SEC13: variants seen among roughly 807,000 people sequenced by gnomAD.
The protein encoded by SEC13 is protein SEC13 homolog.
In SEC13, 25 loss-of-function variants were observed where a neutral mutation model predicts 49.2. That is an observed-to-expected ratio of 0.51 (90% CI 0.37 to 0.71). The LOEUF is 0.71. Among genes scored for constraint, SEC13 ranks in the 30% least tolerant of loss-of-function variants. The pLI is 0.00. For missense variants in SEC13, 383 were observed against 417.6 expected (o/e 0.92, Z 0.72); for synonymous variants, 148 against 163.9 (o/e 0.90, Z 0.74).
Position 10,301,295 on chromosome 3 carries a change from GCTGATA to G in SEC13, c.929_934del (p.Val310_Ser311del). ...GTTCTGCTGGCCCTCTGTCACTGATGCTGATACGGAGCCCTGGCCCTTGTTGACATC... is the reference window on the plus strand; with the variant it reads ...GTTCTGCTGGCCCTCTGTCACTGATGCGGAGCCCTGGCCCTTGTTGACATC... On this transcript the variant is annotated inframe_deletion, in exon 9 of 9. Transcript: ENST00000350697. 3.7e-6 allele frequency: 6 copies of G among 1,614,148 alleles called. No homozygotes were observed. Among genetic ancestry groups the G allele is most frequent in the Non-Finnish European group, 3.4e-6 (4 of 1,180,028 alleles).
intron 1 of SEC13, 70 bp downstream of exon 1, chr3:10,320,980 G>A: frequency 1.3e-6 from 2 of 1,599,358 alleles, no homozygotes; most frequent in Non-Finnish European, 1.7e-6. Flanking sequence ...GACTCAGGAC[G>A]GCCGAGGAAC....
chr3:10,304,528 G>A (rs1350569989), intron 7 of SEC13, among the ~76,000 whole-genome samples: 1 of 152,090 alleles, frequency 6.6e-6, no homozygotes, highest in Non-Finnish European at 1.5e-5. Flanking sequence ...AGAATGAGAA[G>A]GCACAAGTAA....
intron 3 of SEC13, chr3:10,313,045 C>T (rs903770883): frequency 1.9e-5 from 6 of 312,318 alleles, no homozygotes; most frequent in South Asian, 5.0e-5. Context: ...GTGCTGTCTA[C>T]AGCATAGTCA....
At chr3:10,307,531 A>G (rs1700964194) in intron 5 of SEC13, among the ~76,000 whole-genome samples, 1 of 152,052 alleles carries the variant, frequency 6.6e-6, no homozygotes, top group South Asian at 2.1e-4. Context: ...GCAGAAGGCA[A>G]GGGAGGAGCA....
At chr3:10,313,477 T>C (rs1325667815) in intron 3 of SEC13, 1 of 528,082 alleles carries the variant, frequency 1.9e-6, no homozygotes, top group Non-Finnish European at 3.9e-6. Context: ...TTCATAAAGT[T>C]TGGAACAATG....
chr3:10,319,938 G>A (rs1367406451), intron 1 of SEC13, among the ~76,000 whole-genome samples: 1 of 113,516 alleles, frequency 8.8e-6, no homozygotes, highest in Non-Finnish European at 1.8e-5. Flanking sequence ...GAGAGGGAGG[G>A]GGAGAGAGAG....
chr3:10,320,319 T>C (rs9832780), intron 1 of SEC13, among the ~76,000 whole-genome samples: 9,266 of 152,256 alleles, frequency 0.061, 559 homozygotes, highest in African/African-American at 0.15. Context: ...AAAGAATGCA[T>C]GTACTAGATA....
chr3:10,320,287 C>T (rs529825704), intron 1 of SEC13, among the ~76,000 whole-genome samples: 1 of 152,300 alleles, frequency 6.6e-6, no homozygotes, highest in South Asian at 2.1e-4. Context: ...AAACCTGCTG[C>T]TGAGACACAC....
At chr3:10,311,621 T>TA in intron 5 of SEC13, 2 of 1,098,862 alleles carry the variant, frequency 1.8e-6, no homozygotes, top group Non-Finnish European at 2.2e-6. Flanking sequence ...ACATACTTTT[T>TA]AAAAGTTTTA....
At chr3:10,303,990 G>C in intron 8 of SEC13, 36 bp downstream of exon 8, 1 of 1,611,216 alleles carries the variant, frequency 6.2e-7, no homozygotes, top group Non-Finnish European at 8.5e-7. Context: ...AGACCAACAG[G>C]CTGTGTCCAC....
rs998397400 is a variant in SEC13, at chr3:10,318,231, T to C, written c.4-137A>G. ...AAGCATTCATTCTAAGTACCTTCTTTCTGCCAAGCACTGTGCTAGGAACTG... is the reference window on the plus strand; with the variant it reads ...AAGCATTCATTCTAAGTACCTTCTTCCTGCCAAGCACTGTGCTAGGAACTG... On this transcript the variant is annotated intron_variant, in intron 1 of 8. Coordinates refer to ENST00000350697, the MANE Select transcript of SEC13 (RefSeq NM_183352.3). 7.3e-6 allele frequency: 5 copies of C among 680,730 alleles called. No homozygotes were observed. In the Admixed American group the frequency reaches 1.1e-4, roughly 15 times the overall value. 42.2% of individuals were successfully genotyped at this position (680,730 alleles called of 1,614,324 possible). A position where few individuals can be genotyped will look rare whatever the true frequency, so the allele number is the denominator to read the frequency against.
chr3:10,305,310 T>G, intron 6 of SEC13, 154 bp from the exon 7 acceptor site: 1 of 1,160,856 alleles, frequency 8.6e-7, no homozygotes, highest in Non-Finnish European at 1.1e-6. Flanking sequence ...TCACCCCAGC[T>G]GTAAAAAAAA....
At chr3:10,319,086 GGATA>G (rs1455735334) in intron 1 of SEC13, 2 of 1,477,236 alleles carry the variant, frequency 1.4e-6, no homozygotes, top group African/African-American at 2.9e-5. Flanking sequence ...TAAATTCTTG[GGATA>G]GAAAAGAGGA....
At chr3:10,318,321 G>A (rs144982283) in intron 1 of SEC13, among the ~76,000 whole-genome samples, 326 of 152,110 alleles carry the variant, frequency 2.1e-3, no homozygotes, top group African/African-American at 7.3e-3. Context: ...TGCTAGTGTC[G>A]CAAGATAAAT....
At chr3:10,303,903 C>T (rs1164838638) in intron 8 of SEC13, 123 bp downstream of exon 8, 8 of 1,006,294 alleles carry the variant, frequency 7.9e-6, no homozygotes, top group Admixed American at 3.9e-5. Context: ...ACACTCAAAA[C>T]GCAGTCCTGG....
chr3:10,304,361 C>T (rs971793632), intron 7 of SEC13, among the ~76,000 whole-genome samples, 189 bp from the exon 8 acceptor site: 14 of 152,142 alleles, frequency 9.2e-5, no homozygotes, highest in Admixed American at 3.3e-4. Flanking sequence ...AAGAGTCTCC[C>T]GGATTCCTTT....
intron 8 of SEC13, among the ~76,000 whole-genome samples, chr3:10,303,089 A>G (rs1324608418): frequency 6.6e-6 from 1 of 152,198 alleles, no homozygotes; most frequent in African/African-American, 2.4e-5. Context: ...TGCAGCTGAA[A>G]AGAGTTCTGG....
At position 10,311,840 on chromosome 3, in the gene SEC13, T is replaced by C. The variant is rs754439572; in HGVS notation, c.450+125A>G. On this transcript the variant is annotated intron_variant, in intron 5 of 8. Coordinates refer to ENST00000350697, the MANE Select transcript of SEC13 (RefSeq NM_183352.3). ...GCTGCTCTAGAGCAATCATGTCTGG[T>C]CAGCTGACCACTCCCCGGCCCACTG... 2.5e-6 allele frequency: 4 copies of C among 1,581,430 alleles called. No homozygotes were observed. The African/African-American group carries it at 4.0e-5, about 16-fold the overall frequency.
In SEC13 at chr3:10,316,274, C is replaced by G. The variant is rs568962557; in HGVS notation, c.49-838G>C. 2.2e-4 allele frequency among the ~76,000 whole-genome samples: 34 copies of G among 152,268 alleles called. 1 individual carries two copies. The South Asian group carries it at 6.6e-3, about 30-fold the overall frequency. ...GCCTATTCCAATGGATGTCCCTTTCCCCAGCTGTCCCACCCTGGGAGTTTC... is the reference window on the plus strand; with the variant it reads ...GCCTATTCCAATGGATGTCCCTTTCGCCAGCTGTCCCACCCTGGGAGTTTC... On this transcript the variant is annotated intron_variant, in intron 2 of 8. Coordinates refer to ENST00000350697, the MANE Select transcript of SEC13 (RefSeq NM_183352.3).
Sources: allele counts gnomAD v4.1 joint callset (sites outside exome capture counted in the v4.1 genomes callset), GRCh38; gene constraint gnomAD v4.1.1; transcripts MANE v1.5; gene names NCBI Gene and HGNC (gene_info 2026-07-23, HGNC 2026-07-21).